MEFV: variants seen among roughly 807,000 people sequenced by gnomAD.
MEFV encodes the protein pyrin.
Under a neutral mutation model 62.5 loss-of-function variants are expected in MEFV, and 60 were observed. The ratio of observed to expected loss-of-function variants is 0.96; its 90% CI spans 0.78 to 1.19. The LOEUF (loss-of-function observed/expected upper bound fraction) is 1.19, where lower values mean the gene tolerates loss of function less well. Among genes scored for constraint, MEFV ranks in the 50% most tolerant of loss-of-function variants. The pLI is 0.00. For missense variants in MEFV, 1,169 were observed against 1,004.5 expected, an observed-to-expected ratio of 1.16 and a Z score of -2.21; for synonymous variants, 500 against 415.2, an observed-to-expected ratio of 1.20 and a Z score of -2.48.
chr16:3,245,312 GAAGA>G (rs1168508373), intron 6 of MEFV, among the ~76,000 whole-genome samples: 1 of 141,814 alleles, frequency 7.1e-6, no homozygotes, highest in African/African-American at 2.5e-5. Flanking sequence ...AGGAAGGAAG[GAAGA>G]AAGGAAGGAA....
In MEFV at chr16:3,243,896, C is replaced by G. The variant is rs79662406; in HGVS notation, c.1760-4G>C. ...TGAGCGCCAATCAGCTCCGGAACTA[C>G]GGAGAAAAATCAGATAGGGAAAAAA... On this transcript the variant is annotated splice_region_variant and splice_polypyrimidine_tract_variant and intron_variant, in intron 8 of 9. Transcript: ENST00000219596. 8 of 1,613,622 alleles carry G rather than the reference C, an allele frequency of 5.0e-6. No individual in the cohort carries two copies. The South Asian group carries it at 8.8e-5, about 18-fold the overall frequency.
chr16:3,249,096 G>T, intron 3 of MEFV, 92 bp from the exon 4 acceptor site: 1 of 1,299,632 alleles, frequency 7.7e-7, no homozygotes, highest in Non-Finnish European at 1.1e-6. Context: ...CCTTCTGGTA[G>T]CAAGGCTGAG....
chr16:3,243,813 C>G (rs749238880), intron 9 of MEFV, 47 bp downstream of exon 9: 1 of 1,610,212 alleles, frequency 6.2e-7, no homozygotes, highest in Non-Finnish European at 8.5e-7. Context: ...GGGGAGAGCA[C>G]AGGGATCCAG....
At chr16:3,244,038 A>C in intron 8 of MEFV, 146 bp from the exon 9 acceptor site, 3 of 1,552,626 alleles carry the variant, frequency 1.9e-6, no homozygotes, top group South Asian at 2.4e-5. Context: ...CGTTCCTCCC[A>C]GGAACCCAGG....
At position 3,247,190 on chromosome 16, in the gene MEFV, G is replaced by A. The variant is rs104895207; in HGVS notation, c.1413C>T (p.Tyr471=). 5.0e-6 allele frequency: 8 copies of A among 1,614,216 alleles called. No individual in the cohort carries two copies. Among genetic ancestry groups the A allele is most frequent in the Non-Finnish European group, 6.8e-6 (8 of 1,180,038 alleles). The part of the protein sequence containing the change: ...RVQRKLEQVY[Y]FLEQQEHFFV... ...AGAAATGCTCTTGCTGCTCCAGGAAGTAGTACACCTGCTCCAGCTTCCTCT... is the reference window on the plus strand; with the variant it reads ...AGAAATGCTCTTGCTGCTCCAGGAAATAGTACACCTGCTCCAGCTTCCTCT... The change falls in exon 5 of 10, where the codon TAC becomes TAT. Residue 471 remains tyrosine (Y), a synonymous_variant. Transcript: ENST00000219596.
chr16:3,242,841 A>T lies in MEFV; in HGVS notation c.*300T>A. The T allele has an allele frequency of 2.2e-6, 1 of 450,276 alleles. No individual in the cohort carries two copies. The highest frequency in any genetic ancestry group is 4.1e-6 in the Non-Finnish European group (1 of 242,304). 27.9% of individuals were successfully genotyped at this position (450,276 alleles called of 1,614,324 possible). A position where few individuals can be genotyped will look rare whatever the true frequency, so the allele number is the denominator to read the frequency against. On this transcript the variant is annotated 3_prime_UTR_variant, in exon 10 of 10. Transcript: ENST00000219596. ...GGGTTCTGAGGGAAAATGAGGGCCA[A>T]ATCTTCTGTTCAGGAGCACCTGAGA...
Position 3,248,928 on chromosome 16 carries a change from T to G in MEFV, c.1337A>C (p.Glu446Ala), listed in dbSNP as rs749651486. The change falls in exon 4 of 10, where the codon GAG becomes GCG. Residue 446 changes from glutamate (E) to alanine (A), a missense_variant. Glu to Ala is a moderately radical substitution (Grantham distance 107). Coordinates refer to ENST00000219596, the MANE Select transcript of MEFV (RefSeq NM_000243.3). ...CCTTACCAGAAAGCTCACTGCCTTCTCCTCCCCATAGGATCGCTGCTCCTC... is the reference window on the plus strand; with the variant it reads ...CCTTACCAGAAAGCTCACTGCCTTCGCCTCCCCATAGGATCGCTGCTCCTC... ...SGEEQRSYGE[E>A]KAVSFLKQTE... is the part of the protein sequence containing the mutation. 272 of 1,614,048 alleles carry G rather than the reference T, an allele frequency of 1.7e-4. No individual in the cohort carries two copies. The highest frequency in any genetic ancestry group is 2.2e-4 in the Non-Finnish European group (255 of 1,180,012).
chr16:3,254,412 C>T lies in MEFV; in HGVS notation c.656G>A (p.Gly219Asp), dbSNP rs752973530. 3.0e-5 allele frequency: 48 copies of T among 1,612,304 alleles called. No homozygotes were observed. The Admixed American group carries it at 7.8e-4, about 26-fold the overall frequency. The change falls in exon 2 of 10, where the codon GGC (glycine) becomes GAC (aspartate). Residue 219 changes from glycine to aspartate, a missense_variant. Physicochemically the swap from Gly to Asp is moderately conservative, Grantham distance 94. Transcript: ENST00000219596. Reference protein sequence around the residue: ...SAGRLQGLAGGAPGQKECRPF... With the variant: ...SAGRLQGLAGDAPGQKECRPF... The stretch of plus-strand genomic sequence containing the variant: ...CCTGCACTCCTTCTGCCCCGGGGCG[C>T]CCCCCGCCAGCCCCTGCAGCCTCCC...
At chr16:3,253,211 G>A (rs1410442636) in intron 2 of MEFV, among the ~76,000 whole-genome samples, 2 of 152,082 alleles carry the variant, frequency 1.3e-5, no homozygotes, top group African/African-American at 4.8e-5. Flanking sequence ...GTGACTTCCA[G>A]TTACCTTAAG....
intron 2 of MEFV, among the ~76,000 whole-genome samples, chr16:3,253,731 G>A (rs940671809): frequency 2.0e-5 from 3 of 152,030 alleles, no homozygotes; most frequent in South Asian, 2.1e-4. Context: ...GCTCAGGCTG[G>A]TGTGCAGTGG....
rs1210334977 is a variant in MEFV, at chr16:3,249,498, C to T, written c.1193G>A (p.Cys398Tyr). ...GCCTTGGTGCTCCTGACTCAGACTG[C>T]AGATGAGGCAGATGGGCTCATCGTG... ...EDHDEPICLI[C>Y]SLSQEHQGHR... is the part of the protein sequence containing the mutation. Residue 398 changes from cysteine (C) to tyrosine (Y), a missense_variant, in exon 3 of 10, where the codon TGC becomes TAC. Coordinates refer to ENST00000219596, the MANE Select transcript of MEFV (RefSeq NM_000243.3). 6.2e-7 allele frequency: 1 copy of T among 1,614,166 alleles called. No homozygotes were observed. Among genetic ancestry groups the T allele is most frequent in the South Asian group, 1.1e-5 (1 of 91,070 alleles).
chr16:3,243,714 AC>A lies in MEFV; in HGVS notation c.1793-21del. ...CATTAACTGCAAAGAAAATTTGAAT[AC>A]CTAGGTAGGGGTCCATGGGCAACAT... On this transcript the variant is annotated intron_variant, in intron 9 of 9. Transcript: ENST00000219596. 6.2e-7 allele frequency: 1 copy of A among 1,610,886 alleles called. No homozygotes were observed. The highest frequency in any genetic ancestry group is 8.5e-7 in the Non-Finnish European group (1 of 1,178,688).
At chr16:3,247,546 G>A in intron 4 of MEFV, 1 of 383,894 alleles carries the variant, frequency 2.6e-6, no homozygotes, top group Non-Finnish European at 4.5e-6. Context: ...GATCTTATTT[G>A]GAGATAAGAG....
chr16:3,244,570 G>C lies in MEFV; in HGVS notation c.1629C>G (p.Val543=). Reference sequence around the variant, plus strand: ...CTTGAGGAGTGGTCCACTTTTCAGGGACAGGCACTGTCTTAGCCCTAGAGA... The same window carrying C: ...CTTGAGGAGTGGTCCACTTTTCAGGCACAGGCACTGTCTTAGCCCTAGAGA... ...DILHRAKTVP[V]PEKWTTPQEI... The change falls in exon 7 of 10, where the codon GTC becomes GTG. Residue 543 remains valine (V), a synonymous_variant. Coordinates refer to ENST00000219596, the MANE Select transcript of MEFV (RefSeq NM_000243.3). The C allele has an allele frequency of 6.2e-7, 1 of 1,613,902 alleles. No homozygotes were observed. Among genetic ancestry groups the C allele is most frequent in the South Asian group, 1.1e-5 (1 of 91,078 alleles).
At chr16:3,252,691 C>G (rs1370361061) in intron 2 of MEFV, among the ~76,000 whole-genome samples, 6 of 151,206 alleles carry the variant, frequency 4.0e-5, no homozygotes, top group African/African-American at 1.5e-4. Context: ...GAAATCCTAG[C>G]ACTTTTAGAG....
rs1958910539 is a variant in MEFV at position 3,244,535 on chromosome 16, T to G, written c.1664A>C (p.Gln555Pro). 1 of 1,614,202 alleles carries G rather than the reference T, an allele frequency of 6.2e-7. No homozygotes were observed. The highest frequency in any genetic ancestry group is 8.5e-7 in the Non-Finnish European group (1 of 1,180,048). ...EKWTTPQEIK[Q>P]KIQLLHQKSE... ...CTTCTGGTGGAGGAGTTGGATCTTT[T>G]GTTTTATCTCTTGAGGAGTGGTCCA... Residue 555 changes from glutamine to proline, a missense_variant, in exon 7 of 10, where the codon CAA becomes CCA. Gln to Pro is a moderately conservative substitution (Grantham distance 76). Transcript: ENST00000219596.
At position 3,248,955 on chromosome 16, in the gene MEFV, CCT is replaced by C. The variant is rs1470057332; in HGVS notation, c.1308_1309del (p.Glu438GlyfsTer18). On this transcript the variant is annotated frameshift_variant, in exon 4 of 10. Coordinates refer to ENST00000219596, the MANE Select transcript of MEFV (RefSeq NM_000243.3). LOFTEE classifies it high-confidence loss of function. The stretch of plus-strand genomic sequence containing the variant: ...CTCCCCATAGGATCGCTGCTCCTCC[CCT>C]GATTTTCTCAGCTTCTTCAGATGCT... 5 of 1,614,230 alleles carry C rather than the reference CCT, an allele frequency of 3.1e-6. No homozygotes were observed. The highest frequency in any genetic ancestry group is 4.5e-5 in the East Asian group (2 of 44,888).
chr16:3,245,299 GA>G (rs1958923943), intron 6 of MEFV, among the ~76,000 whole-genome samples: 1 of 138,058 alleles, frequency 7.2e-6, no homozygotes, highest in Non-Finnish European at 1.6e-5. Context: ...AAGAAGAAAA[GA>G]AAGGAAGGAA....
Position 3,247,003 on chromosome 16 carries a change from C to G in MEFV, c.1587+13G>C. 1 of 1,613,662 alleles carries G rather than the reference C, an allele frequency of 6.2e-7. No individual in the cohort carries two copies. Among genetic ancestry groups the G allele is most frequent in the East Asian group, 2.2e-5 (1 of 44,884 alleles). On this transcript the variant is annotated intron_variant, in intron 5 of 9. Coordinates refer to ENST00000219596, the MANE Select transcript of MEFV (RefSeq NM_000243.3). The stretch of plus-strand genomic sequence containing the variant: ...ACAGGGGACCCAAGAAAGCCGGGCC[C>G]AGGCACACCCACCTGCAGAAGTTCC...
Sources: gnomAD v4.1 joint callset for allele counts (sites outside exome capture counted in the v4.1 genomes callset) on GRCh38, gnomAD v4.1.1 for gene constraint, MANE v1.5 for transcripts, NCBI Gene and HGNC (gene_info 2026-07-23, HGNC 2026-07-21) for gene names.